The following NELL2 variants were observed in gnomAD, a reference collection of about 807,000 sequenced individuals.
NELL2 encodes neural EGFL like 2.
NELL2 carries 41 observed loss-of-function variants against 109.6 expected under a neutral mutation model. That is an observed-to-expected ratio of 0.37 (90% confidence interval 0.29 to 0.49). The LOEUF (loss-of-function observed/expected upper bound fraction) is 0.49, where lower values mean the gene tolerates loss of function less well. Among genes scored for constraint, NELL2 ranks in the 20% least tolerant of loss-of-function variants. The pLI is 0.98. For missense variants in NELL2, 900 were observed against 1,008.3 expected, an observed-to-expected ratio of 0.89 and a Z score of 1.45; for synonymous variants, 355 against 344.7, an observed-to-expected ratio of 1.03 and a Z score of -0.33.
At chr12:44,729,153 A>C (rs1939231833) in intron 9 of NELL2, among the ~76,000 whole-genome samples, 1 of 152,152 alleles carries the variant, frequency 6.6e-6, no homozygotes, top group Admixed American at 6.5e-5. Context: ...TAAAAACATA[A>C]AGATAACAAC....
At chr12:44,651,898 C>T (rs1158038938) in intron 13 of NELL2, among the ~76,000 whole-genome samples, 6 of 152,080 alleles carry the variant, frequency 3.9e-5, no homozygotes, top group Non-Finnish European at 7.4e-5. Flanking sequence ...TCTAAGAAGG[C>T]TGTTACTATT....
chr12:44,565,877 T>C (rs1943638827), intron 15 of NELL2, among the ~76,000 whole-genome samples: 1 of 151,572 alleles, frequency 6.6e-6, no homozygotes, highest in Admixed American at 6.6e-5. Flanking sequence ...CAAGTGGGAG[T>C]AGGATTTTGA....
At chr12:44,798,100 GAATGATGGAATAAAAT>G (rs1942696544) in intron 3 of NELL2, among the ~76,000 whole-genome samples, 9 of 136,338 alleles carry the variant, frequency 6.6e-5, no homozygotes, top group African/African-American at 1.5e-4. Context: ...ATCCTAGATG[GAATGATGGAATAAAAT>G]CATTCCATCC....
At chr12:44,625,697 C>T (rs2136278137) in intron 13 of NELL2, among the ~76,000 whole-genome samples, 1 of 152,154 alleles carries the variant, frequency 6.6e-6, no homozygotes, top group South Asian at 2.1e-4. Flanking sequence ...CAACAGAAGG[C>T]TTTTATTTGT....
chr12:44,820,762 T>G (rs1022005080), intron 2 of NELL2, among the ~76,000 whole-genome samples: 2 of 152,194 alleles, frequency 1.3e-5, no homozygotes, highest in African/African-American at 2.4e-5. Flanking sequence ...AGTGGAAGCC[T>G]GATGGTACCC....
At chr12:44,890,648 G>C (rs1333715479) in intron 1 of NELL2, among the ~76,000 whole-genome samples, 1 of 151,932 alleles carries the variant, frequency 6.6e-6, no homozygotes, top group Non-Finnish European at 1.5e-5. Flanking sequence ...TTTAAAACCA[G>C]TTCAAAATTT....
chr12:44,729,271 G>A (rs933767877), intron 9 of NELL2, among the ~76,000 whole-genome samples: 1 of 152,006 alleles, frequency 6.6e-6, no homozygotes, highest in African/African-American at 2.4e-5. Flanking sequence ...ATAAAGTTAA[G>A]TTGTTATCAA....
chr12:44,744,787 G>C (rs900766680), intron 9 of NELL2, among the ~76,000 whole-genome samples: 19 of 152,148 alleles, frequency 1.2e-4, no homozygotes, highest in Admixed American at 3.9e-4. Flanking sequence ...CCAATAACAG[G>C]CTCTGAAATT....
At chr12:44,558,716 G>A (rs1236073776) in intron 15 of NELL2, among the ~76,000 whole-genome samples, 1 of 152,086 alleles carries the variant, frequency 6.6e-6, no homozygotes, top group African/African-American at 2.4e-5. Flanking sequence ...ATGACACAAG[G>A]GCCCTGGGTT....
intron 2 of NELL2, among the ~76,000 whole-genome samples, chr12:44,838,473 T>C (rs1270462093): frequency 6.6e-6 from 1 of 152,214 alleles, no homozygotes; most frequent in Non-Finnish European, 1.5e-5. Flanking sequence ...CATTTTCTAG[T>C]TTAAACAAGT....
At chr12:44,861,068 T>C (rs1566549693) in intron 2 of NELL2, among the ~76,000 whole-genome samples, 5 of 151,990 alleles carry the variant, frequency 3.3e-5, no homozygotes, top group Admixed American at 2.6e-4. Context: ...CAATATACCA[T>C]CACAAAAGCT....
intron 15 of NELL2, among the ~76,000 whole-genome samples, chr12:44,568,993 A>G (rs1442394792): frequency 6.6e-6 from 1 of 152,110 alleles, no homozygotes; most frequent in East Asian, 1.9e-4. Flanking sequence ...TATTAAGCCT[A>G]GTACTCATTA....
intron 9 of NELL2, among the ~76,000 whole-genome samples, chr12:44,748,486 T>C (rs961882221): frequency 6.6e-5 from 10 of 152,160 alleles, no homozygotes; most frequent in Non-Finnish European, 8.8e-5. Flanking sequence ...CTTTGTTATA[T>C]GTTAACACTT....
At chr12:44,698,934 T>C (rs1012055543) in intron 12 of NELL2, among the ~76,000 whole-genome samples, 20 of 152,170 alleles carry the variant, frequency 1.3e-4, no homozygotes, top group African/African-American at 3.9e-4. Flanking sequence ...GCAACTATTA[T>C]GCACTGAAGA....
chr12:44,568,743 T>C (rs753092493), intron 15 of NELL2, among the ~76,000 whole-genome samples: 1 of 151,912 alleles, frequency 6.6e-6, no homozygotes, highest in Non-Finnish European at 1.5e-5. Context: ...ACATATTTTA[T>C]ATATATATAC....
At position 44,678,427 on chromosome 12, in the gene NELL2, C is replaced by T. The variant is rs866764735; in HGVS notation, c.1319-12818G>A. On this transcript the variant is annotated intron_variant, in intron 12 of 19. Transcript: ENST00000429094. ...AAGGCATATCAGCATTTAGCATGGT[C>T]GCCATGGCATTCACTTCTGGAGTCC... is the stretch of plus-strand genomic sequence containing the variant. Among the ~76,000 whole-genome samples, 5 of 151,974 alleles carry T rather than the reference C, an allele frequency of 3.3e-5. No individual in the cohort carries two copies. The South Asian group carries it at 8.3e-4, about 25-fold the overall frequency.
chr12:44,723,419 A>T (rs991248297), intron 9 of NELL2, among the ~76,000 whole-genome samples: 2 of 152,136 alleles, frequency 1.3e-5, no homozygotes, highest in African/African-American at 4.8e-5. Context: ...TATCTGATGG[A>T]ATTTGGCCTA....
chr12:44,670,608 G>A (rs896302058), intron 12 of NELL2, among the ~76,000 whole-genome samples: 10 of 150,560 alleles, frequency 6.6e-5, no homozygotes, highest in Admixed American at 1.3e-4. Context: ...GAGAAGGGAC[G>A]AAAAAAAATC....
At chr12:44,862,727 A>T (rs976447179) in intron 2 of NELL2, among the ~76,000 whole-genome samples, 2 of 152,224 alleles carry the variant, frequency 1.3e-5, no homozygotes, top group Non-Finnish European at 2.9e-5. Context: ...TCAGCTAAAA[A>T]ACACAGTGCA....
Sources: allele counts gnomAD v4.1 joint callset (sites outside exome capture counted in the v4.1 genomes callset), GRCh38; gene constraint gnomAD v4.1.1; transcripts MANE v1.5; gene names NCBI Gene and HGNC (gene_info 2026-07-23, HGNC 2026-07-21).